COL4A4: variants seen among roughly 807,000 people sequenced by gnomAD.
COL4A4 encodes collagen type IV alpha 4 chain.
In COL4A4, 105 loss-of-function variants were observed where a neutral mutation model predicts 192.9. The observed-to-expected ratio is 0.54, with a 90% confidence interval of 0.46 to 0.64. The LOEUF is 0.64. Ranked by LOEUF, COL4A4 falls within the 30% of genes least tolerant of loss-of-function variation. The pLI is 0.00. For synonymous variants in COL4A4, 762 were observed against 769.9 expected, an observed-to-expected ratio of 0.99 and a Z score of 0.17; for missense variants, 1,967 against 2,169.3, an observed-to-expected ratio of 0.91 and a Z score of 1.85.
chr2:227,122,225 G>C (rs965391883), intron 4 of COL4A4, among the ~76,000 whole-genome samples: 2 of 152,182 alleles, frequency 1.3e-5, no homozygotes, highest in African/African-American at 2.4e-5. Flanking sequence ...GCGATATCCC[G>C]ACCAGGTGCA....
At chr2:227,019,515 G>A (rs1253942012) in intron 44 of COL4A4, among the ~76,000 whole-genome samples, 1 of 152,144 alleles carries the variant, frequency 6.6e-6, no homozygotes, top group East Asian at 1.9e-4. Context: ...TCTCCCTGTT[G>A]AACAATTCTG....
At chr2:227,112,816 A>G (rs2061292864) in intron 8 of COL4A4, among the ~76,000 whole-genome samples, 1 of 152,170 alleles carries the variant, frequency 6.6e-6, no homozygotes, top group Admixed American at 6.5e-5. Context: ...AAATCATATG[A>G]TATTTGACTG....
At chr2:227,149,741 G>A (rs1033266646) in intron 1 of COL4A4, among the ~76,000 whole-genome samples, 1 of 152,178 alleles carries the variant, frequency 6.6e-6, no homozygotes, top group Non-Finnish European at 1.5e-5. Flanking sequence ...GATAAAGGTT[G>A]TACAGAGGAG....
intron 11 of COL4A4, 32 bp downstream of exon 11, chr2:227,108,801 T>C: frequency 1.2e-6 from 2 of 1,607,376 alleles, no homozygotes; most frequent in Non-Finnish European, 1.7e-6. Context: ...TGTTCAGGGC[T>C]CTATTGATGT....
intron 9 of COL4A4, 148 bp downstream of exon 9, chr2:227,111,530 T>C: frequency 1.2e-6 from 1 of 826,610 alleles, no homozygotes; most frequent in Non-Finnish European, 2.1e-6. Context: ...CTTGAAATGC[T>C]TAATAATTTT....
chr2:227,044,668 A>T (rs929527065), intron 35 of COL4A4, among the ~76,000 whole-genome samples: 1 of 152,188 alleles, frequency 6.6e-6, no homozygotes, highest in Non-Finnish European at 1.5e-5. Flanking sequence ...TAAGAACAGA[A>T]CTTCTGAGTT....
Position 227,111,689 on chromosome 2 carries a change from G to A in COL4A4, c.583C>T (p.Pro195Ser). The change falls in exon 9 of 48, where the codon CCT (proline) becomes TCT (serine). Residue 195 changes from proline to serine, a missense_variant. Physicochemically the swap from Pro to Ser is moderately conservative, Grantham distance 74. Transcript: ENST00000396625. ...CTCAGGAGACTTACTGGTAAGCCAG[G>A]CAGTCCTGGGTCCCCTCTGTCTCCC... ...IQGDRGDPGL[P>S]GLPGSWGAGG... is the part of the protein sequence containing the mutation. 6.2e-7 allele frequency: 1 copy of A among 1,614,084 alleles called. No homozygotes were observed.
At chr2:227,111,537 T>C in intron 9 of COL4A4, 141 bp downstream of exon 9, 1 of 886,484 alleles carries the variant, frequency 1.1e-6, no homozygotes, top group East Asian at 2.4e-5. Flanking sequence ...TGCTTAATAA[T>C]TTTTGAACAG....
At chr2:226,973,483 C>A in the COL4A4 span, among the ~76,000 whole-genome samples, 1 of 152,210 alleles carries the variant, frequency 6.6e-6, no homozygotes, top group Non-Finnish European at 1.5e-5. Flanking sequence ...CAACTGCCCC[C>A]ATTCTAAGAT....
chr2:227,025,560 T>C (rs1966826996), intron 43 of COL4A4, among the ~76,000 whole-genome samples: 2 of 152,150 alleles, frequency 1.3e-5, no homozygotes, highest in South Asian at 4.1e-4. Context: ...ATTGAAACTA[T>C]ATAAGCAAAG....
At position 227,090,496 on chromosome 2, in the gene COL4A4, C is replaced by T. The variant is rs868022755; in HGVS notation, c.1370-539G>A. ...TGGTGCGATGGCTCACACCTGTAAT[C>T]CCAGCACTTTGGGAGACCAAGGTGG... On this transcript the variant is annotated intron_variant, in intron 20 of 47. Transcript: ENST00000396625. Among the ~76,000 whole-genome samples the T allele has an allele frequency of 6.6e-5, 10 of 152,232 alleles. No individual in the cohort carries two copies. In the South Asian group the frequency reaches 1.5e-3, roughly 22 times the overall value.
In COL4A4 at chr2:227,121,155, AG is replaced by A; in HGVS notation, c.193-8del. ...CTGGTGGTCCTGGTGGACCCTGAGA[AG>A]GAAGATTAAAAAGAAATGGGGGTGC... On this transcript the variant is annotated splice_polypyrimidine_tract_variant and splice_region_variant and intron_variant, in intron 4 of 47. Coordinates refer to ENST00000396625, the MANE Select transcript of COL4A4 (RefSeq NM_000092.5). 1 of 1,613,878 alleles carries A rather than the reference AG, an allele frequency of 6.2e-7. No homozygotes were observed. Among genetic ancestry groups the A allele is most frequent in the South Asian group, 1.1e-5 (1 of 91,038 alleles).
rs58363082 is a variant in COL4A4, at chr2:227,109,157, T to C, written c.657+67A>G. 158,471 of 1,459,722 alleles carry C rather than the reference T, an allele frequency of 0.11. 17,225 individuals carry two copies. The highest frequency in any genetic ancestry group is 0.51 in the African/African-American group (36,411 of 71,808). 90.4% of individuals were successfully genotyped at this position (1,459,722 alleles called of 1,614,324 possible). ...ACCTGTGTCTGACCCAAAATGGCAA[T>C]GTTGCTTCTTTATTTTCATGTAGAA... On this transcript the variant is annotated intron_variant, in intron 10 of 47. Coordinates refer to ENST00000396625, the MANE Select transcript of COL4A4 (RefSeq NM_000092.5).
chr2:227,157,086 T>C (rs1028294233), intron 1 of COL4A4, among the ~76,000 whole-genome samples: 1 of 152,284 alleles, frequency 6.6e-6, no homozygotes, highest in Admixed American at 6.5e-5. Context: ...TGCTGGATCA[T>C]AAAACAAGTT....
At position 227,035,105 on chromosome 2, in the gene COL4A4, A is replaced by G. The variant is rs79132753; in HGVS notation, c.3506-1624T>C. On this transcript the variant is annotated intron_variant, in intron 37 of 47. Transcript: ENST00000396625. ...GATGTCCACCCCACACTGTGAAACA[A>G]TCATGTCTTTGGGTGACTGTCTCCC... Among the ~76,000 whole-genome samples the G allele has an allele frequency of 4.7e-3, 714 of 152,188 alleles. 7 individuals are homozygous for G. The highest frequency in any genetic ancestry group is 0.016 in the African/African-American group (671 of 41,522).
At chr2:226,999,359 T>C (rs898652489), downstream of COL4A4, 5 of 152,148 alleles carry the variant, frequency 3.3e-5, no homozygotes, top group Admixed American at 6.5e-5. Flanking sequence ...AAATAGAGAC[T>C]TCAGGGCCTT....
downstream of COL4A4, chr2:227,002,615 C>T (rs1297604265): frequency 6.6e-6 from 1 of 152,534 alleles, no homozygotes; most frequent in Admixed American, 6.5e-5. Flanking sequence ...GCAGTTCACA[C>T]TTCCACAAGT....
Position 227,047,532 on chromosome 2 carries a change from C to T in COL4A4, c.3232G>A (p.Ala1078Thr), listed in dbSNP as rs77277077. 1,805 of 1,613,466 alleles carry T rather than the reference C, an allele frequency of 1.1e-3. 20 individuals carry two copies. The African/African-American group carries it at 0.02, about 18-fold the overall frequency. Residue 1078 changes from alanine to threonine, a missense_variant, in exon 35 of 48, where the codon GCC becomes ACC. Ala to Thr is a moderately conservative substitution (Grantham distance 58, BLOSUM62 0). Transcript: ENST00000396625. ...RGPKGNKGDP[A>T]SHFGPPGPKG... ...GGACCAGGTGGACCAAAGTGACTGGCAGGGTCACCTTTGTTTCCTGAAAGG... is the reference window on the plus strand; with the variant it reads ...GGACCAGGTGGACCAAAGTGACTGGTAGGGTCACCTTTGTTTCCTGAAAGG...
chr2:227,069,516 CAG>C (rs2058574958), intron 25 of COL4A4, among the ~76,000 whole-genome samples: 1 of 151,622 alleles, frequency 6.6e-6, no homozygotes, highest in South Asian at 2.1e-4. Context: ...GGTACCAAAA[CAG>C]AGATATAGAT....
Sources: gnomAD v4.1 joint callset for allele counts (sites outside exome capture counted in the v4.1 genomes callset) on GRCh38, gnomAD v4.1.1 for gene constraint, MANE v1.5 for transcripts, NCBI Gene and HGNC (gene_info 2026-07-23, HGNC 2026-07-21) for gene names.